Variants in MRPL33 observed in about 807,000 individuals in gnomAD.
MRPL33 encodes large ribosomal subunit protein bL33m.
A neutral mutation model predicts 10.1 loss-of-function variants in MRPL33; 5 were observed. The ratio of observed to expected loss-of-function variants is 0.49; its 90% CI spans 0.26 to 1.04. MRPL33 has a LOEUF of 1.04. Among genes scored for constraint, MRPL33 ranks in the 50% least tolerant of loss-of-function variants. MRPL33 has a pLI of 0.14. For synonymous variants in MRPL33, 24 were observed against 27.7 expected (o/e 0.87, Z 0.42); for missense variants, 79 against 78.1 (o/e 1.01, Z -0.04).
At chr2:27,778,558 CTT>C (rs377722424) in intron 3 of MRPL33, among the ~76,000 whole-genome samples, 3 of 138,952 alleles carry the variant, frequency 2.2e-5, no homozygotes, top group African/African-American at 2.6e-5. Context: ...TCAATCTTTT[CTT>C]TTTTTTTTTT....
chr2:27,776,706 A>G (rs1032894849), intron 3 of MRPL33, among the ~76,000 whole-genome samples: 3 of 152,276 alleles, frequency 2.0e-5, no homozygotes, highest in Non-Finnish European at 4.4e-5. Flanking sequence ...ATGACTAAAC[A>G]AGACAATATA....
chr2:27,773,393 T>A (rs974178927), intron 2 of MRPL33, among the ~76,000 whole-genome samples: 1 of 152,274 alleles, frequency 6.6e-6, no homozygotes, highest in Admixed American at 6.5e-5. Flanking sequence ...TTTCAGTGAT[T>A]CACGTAGCTT....
intron 3 of MRPL33, 140 bp downstream of exon 3, chr2:27,774,670 C>A: frequency 1.5e-6 from 1 of 658,630 alleles, no homozygotes; most frequent in Non-Finnish European, 2.7e-6. Flanking sequence ...TGTTATGATG[C>A]TATTTAACAT....
chr2:27,776,639 A>C lies in MRPL33; in HGVS notation c.148+2109A>C, dbSNP rs187318516. 1.8e-3 allele frequency among the ~76,000 whole-genome samples: 267 copies of C among 152,364 alleles called. 3 individuals are homozygous for C. In the South Asian group the frequency reaches 0.025, roughly 14 times the overall value. On this transcript the variant is annotated intron_variant, in intron 3 of 3. Transcript: ENST00000296102. Reference sequence around the variant, plus strand: ...GGCATGAGCTTATTAAACTTTCTTAAATATATTGAAGGTTTATCATAAAGA... The same window carrying C: ...GGCATGAGCTTATTAAACTTTCTTACATATATTGAAGGTTTATCATAAAGA...
At chr2:27,772,533 G>A in intron 1 of MRPL33, 141 bp from the exon 2 acceptor site, 1 of 641,298 alleles carries the variant, frequency 1.6e-6, no homozygotes, top group Non-Finnish European at 2.6e-6. Flanking sequence ...ATAGGGAATA[G>A]TTACTTGAGT....
chr2:27,773,549 C>T lies in MRPL33; in HGVS notation c.41+857C>T, dbSNP rs1341947863. On this transcript the variant is annotated intron_variant, in intron 2 of 3. Coordinates refer to ENST00000296102, the MANE Select transcript of MRPL33 (RefSeq NM_004891.4). ...TTCATATATGTCTTGCCTGATTGACCTCATGTACCAACTCACCTTCCATAC... is the reference window on the plus strand; with the variant it reads ...TTCATATATGTCTTGCCTGATTGACTTCATGTACCAACTCACCTTCCATAC... Among the ~76,000 whole-genome samples, 4 of 152,182 alleles carry T rather than the reference C, an allele frequency of 2.6e-5. No individual in the cohort carries two copies. In the South Asian group the frequency reaches 8.3e-4, roughly 32 times the overall value.
At chr2:27,778,228 T>C (rs750863839) in intron 3 of MRPL33, among the ~76,000 whole-genome samples, 11 of 152,218 alleles carry the variant, frequency 7.2e-5, no homozygotes, top group Non-Finnish European at 1.5e-4. Flanking sequence ...CTTACTTAGA[T>C]AAGCTCATTC....
chr2:27,774,366 T>C (rs1677108930), intron 2 of MRPL33, 58 bp from the exon 3 acceptor site: 1 of 1,387,740 alleles, frequency 7.2e-7, no homozygotes, highest in South Asian at 1.2e-5. Context: ...CATCCCCCTG[T>C]GACTGATTTT....
chr2:27,774,149 CTG>C (rs975758453), intron 2 of MRPL33, among the ~76,000 whole-genome samples: 22 of 152,156 alleles, frequency 1.4e-4, no homozygotes, highest in African/African-American at 4.8e-4. Flanking sequence ...GGGTGGATGT[CTG>C]AGGCTAGTCC....
At chr2:27,775,057 T>C (rs868065111) in intron 3 of MRPL33, among the ~76,000 whole-genome samples, 41 of 152,232 alleles carry the variant, frequency 2.7e-4, no homozygotes, top group Admixed American at 5.2e-4. Flanking sequence ...GGTTTCTATA[T>C]ATTAGTGCAG....
intron 2 of MRPL33, among the ~76,000 whole-genome samples, chr2:27,774,096 G>A (rs962610446): frequency 6.6e-6 from 1 of 152,208 alleles, no homozygotes; most frequent in African/African-American, 2.4e-5. Flanking sequence ...GTGGTTACCA[G>A]TATTTTGATA....
intron 3 of MRPL33, among the ~76,000 whole-genome samples, chr2:27,775,223 A>C (rs1677127400): frequency 6.6e-6 from 1 of 152,208 alleles, no homozygotes; most frequent in Non-Finnish European, 1.5e-5. Flanking sequence ...AAATAGAGTC[A>C]GCACCTGATT....
Position 27,771,781 on chromosome 2 carries a change from T to G in MRPL33, c.4T>G (p.Phe2Val), listed in dbSNP as rs756631626. ...AGACTGCCCAGGTGTGGTCACCATG[T>G]TCCTCTCCGCGGTCTTCTGTAAGTG... M[F>V]LSAVFFAKSK... The change falls in exon 1 of 4, where the codon TTC becomes GTC. Residue 2 changes from phenylalanine to valine, a missense_variant. Phe to Val is a conservative substitution (Grantham distance 50). Coordinates refer to ENST00000296102, the MANE Select transcript of MRPL33 (RefSeq NM_004891.4). The G allele has an allele frequency of 8.1e-6, 13 of 1,613,972 alleles. No individual in the cohort carries two copies. Among genetic ancestry groups the G allele is most frequent in the Admixed American group, 3.3e-5 (2 of 60,002 alleles).
At chr2:27,772,785 C>T (rs963538867) in intron 2 of MRPL33, 93 bp downstream of exon 2, 46 of 991,820 alleles carry the variant, frequency 4.6e-5, no homozygotes, top group Non-Finnish European at 5.9e-5. Flanking sequence ...TGAAATTAAG[C>T]ATTGGGCCTT....
At chr2:27,773,082 ACT>A (rs1293244041) in intron 2 of MRPL33, among the ~76,000 whole-genome samples, 4 of 152,140 alleles carry the variant, frequency 2.6e-5, no homozygotes, top group Non-Finnish European at 4.4e-5. Context: ...AGAAGAACAA[ACT>A]CTGCTTTGAT....
chr2:27,777,949 C>G (rs1677206628), intron 3 of MRPL33, among the ~76,000 whole-genome samples: 1 of 152,126 alleles, frequency 6.6e-6, no homozygotes, highest in Admixed American at 6.5e-5. Flanking sequence ...TGTTTTGGTT[C>G]TTTACTACCA....
intron 3 of MRPL33, 28 bp from the exon 4 acceptor site, chr2:27,779,405 G>GCCACAATTTTTTTTTCTC (rs1353537824): frequency 1.3e-6 from 2 of 1,581,930 alleles, no homozygotes; most frequent in Non-Finnish European, 1.7e-6. Flanking sequence ...ATAATTTTCT[G>GCCACAATTTTTTTTTCTC]CCACAATTTT....
chr2:27,774,831 T>C (rs751105291), intron 3 of MRPL33, among the ~76,000 whole-genome samples: 2 of 151,998 alleles, frequency 1.3e-5, no homozygotes, highest in Non-Finnish European at 2.9e-5. Context: ...TGGAGAGTGG[T>C]AGGGAAAGTC....
chr2:27,775,507 A>G (rs1242919664), intron 3 of MRPL33, among the ~76,000 whole-genome samples: 2 of 151,806 alleles, frequency 1.3e-5, no homozygotes, highest in African/African-American at 4.8e-5. Flanking sequence ...GTGTGCCACC[A>G]CACCCGGCTA....
Sources: gnomAD v4.1 joint callset for allele counts (sites outside exome capture counted in the v4.1 genomes callset) on GRCh38, gnomAD v4.1.1 for gene constraint, MANE v1.5 for transcripts, NCBI Gene and HGNC (gene_info 2026-07-23, HGNC 2026-07-21) for gene names.